BTBD9: variants seen among roughly 807,000 people sequenced by gnomAD.
BTBD9 encodes the protein BTB domain containing 9, also known as BTB/POZ domain-containing protein 9.
In BTBD9, 49 loss-of-function variants were observed where a neutral mutation model predicts 64.3. The ratio of observed to expected loss-of-function variants is 0.76; its 90% CI spans 0.61 to 0.97. The LOEUF (loss-of-function observed/expected upper bound fraction) is 0.97, where lower values mean the gene tolerates loss of function less well. BTBD9 is among the 50% of genes least tolerant of loss of function. The pLI is 0.00. For synonymous variants in BTBD9, 260 were observed against 274.7 expected (o/e 0.95, Z 0.53); for missense variants, 598 against 762.1 (o/e 0.78, Z 2.53).
chr6:38,359,611 G>C (rs1352134937), intron 6 of BTBD9, among the ~76,000 whole-genome samples: 1 of 152,132 alleles, frequency 6.6e-6, no homozygotes, highest in Non-Finnish European at 1.5e-5. Flanking sequence ...AGTTACACAG[G>C]GGCTGATAAT....
At chr6:38,477,848 A>G (rs1435454720) in intron 6 of BTBD9, among the ~76,000 whole-genome samples, 1 of 152,210 alleles carries the variant, frequency 6.6e-6, no homozygotes, top group African/African-American at 2.4e-5. Flanking sequence ...CCACGAACAC[A>G]TCAAGTAAAG....
At chr6:38,328,078 G>A (rs1394648352) in intron 7 of BTBD9, among the ~76,000 whole-genome samples, 2 of 152,286 alleles carry the variant, frequency 1.3e-5, no homozygotes, top group South Asian at 2.1e-4. Context: ...GATTTTAAAA[G>A]TAACACATAT....
chr6:38,627,047 G>A (rs552711691), intron 1 of BTBD9, among the ~76,000 whole-genome samples: 1 of 152,250 alleles, frequency 6.6e-6, no homozygotes, highest in East Asian at 1.9e-4. Flanking sequence ...CCAGTAAAGA[G>A]AGCAAAGAAA....
chr6:38,610,933 C>T (rs1403903296), intron 1 of BTBD9, among the ~76,000 whole-genome samples: 1 of 151,748 alleles, frequency 6.6e-6, no homozygotes, highest in Non-Finnish European at 1.5e-5. Flanking sequence ...GGGGACTAAA[C>T]GTCCATCAAT....
intron 6 of BTBD9, among the ~76,000 whole-genome samples, chr6:38,481,426 G>A (rs993721126): frequency 9.9e-5 from 15 of 152,274 alleles, no homozygotes; most frequent in African/African-American, 1.4e-4. Flanking sequence ...AAATGAGGCC[G>A]CACATCGTAA....
At chr6:38,348,529 G>C (rs1764378791) in intron 6 of BTBD9, among the ~76,000 whole-genome samples, 2 of 152,154 alleles carry the variant, frequency 1.3e-5, no homozygotes, top group African/African-American at 4.8e-5. Context: ...AAACAGTGCA[G>C]AGAAAGGCAG....
intron 6 of BTBD9, among the ~76,000 whole-genome samples, chr6:38,374,439 A>G (rs4711543): frequency 0.36 from 53,883 of 147,910 alleles, 12,015 homozygotes; most frequent in East Asian, 0.84. Flanking sequence ...AAAGAATCAC[A>G]TTATTTTTAA....
intron 7 of BTBD9, among the ~76,000 whole-genome samples, chr6:38,302,920 C>A (rs1185210034): frequency 6.6e-6 from 1 of 151,910 alleles, no homozygotes; most frequent in South Asian, 2.1e-4. Flanking sequence ...TTTCACATAC[C>A]CATTGGCCAT....
rs369081594 is a variant in BTBD9, at chr6:38,308,632, C to G, written c.1265-20171G>C. Among the ~76,000 whole-genome samples the G allele has an allele frequency of 8.0e-4, 121 of 152,186 alleles. 1 individual carries two copies. The South Asian group carries it at 0.024, about 30-fold the overall frequency. ...TGTTTCTGTTTTTTTGAAGCAGGGT[C>G]TCACTCTGTTGCCCAGGCGGGAGTG... On this transcript the variant is annotated intron_variant, in intron 7 of 10. Coordinates refer to ENST00000481247, the MANE Select transcript of BTBD9 (RefSeq NM_001099272.2).
chr6:38,190,835 T>C (rs1228061541), intron 10 of BTBD9, among the ~76,000 whole-genome samples: 2 of 152,226 alleles, frequency 1.3e-5, no homozygotes, highest in African/African-American at 4.8e-5. Context: ...GGTTGGGACC[T>C]AGGGCAGCCC....
intron 9 of BTBD9, among the ~76,000 whole-genome samples, chr6:38,198,143 GAAAT>G (rs1373741168): frequency 9.2e-5 from 14 of 152,336 alleles, no homozygotes; most frequent in South Asian, 8.3e-4. Flanking sequence ...AACAGTTCTT[GAAAT>G]AAATAAAAAG....
At chr6:38,602,851 G>T (rs1191053198) in intron 1 of BTBD9, among the ~76,000 whole-genome samples, 1 of 151,588 alleles carries the variant, frequency 6.6e-6, no homozygotes, top group East Asian at 1.9e-4. Flanking sequence ...CATTAAAACT[G>T]GCAAGAGAAA....
intron 6 of BTBD9, among the ~76,000 whole-genome samples, chr6:38,391,142 G>A (rs2127622650): frequency 6.6e-6 from 1 of 152,326 alleles, no homozygotes; most frequent in South Asian, 2.1e-4. Context: ...GAAGGCATCA[G>A]GCTGAGGGGA....
At chr6:38,257,063 C>CTTTTTTTTTTTTT (rs745545678) in intron 8 of BTBD9, among the ~76,000 whole-genome samples, 2 of 111,382 alleles carry the variant, frequency 1.8e-5, no homozygotes, top group African/African-American at 6.7e-5. Flanking sequence ...TTGCACACTT[C>CTTTTTTTTTTTTT]TTTTTTTTTT....
At chr6:38,309,370 CAAAT>C (rs1471586901) in intron 7 of BTBD9, among the ~76,000 whole-genome samples, 18 of 151,158 alleles carry the variant, frequency 1.2e-4, no homozygotes, top group African/African-American at 4.4e-4. Context: ...TTCCATCTCC[CAAAT>C]AAACAAACAA....
intron 7 of BTBD9, among the ~76,000 whole-genome samples, chr6:38,289,427 A>G (rs1160345210): frequency 6.6e-6 from 1 of 152,126 alleles, no homozygotes; most frequent in Non-Finnish European, 1.5e-5. Context: ...CTCTTGTTCT[A>G]TATCTTAAGC....
chr6:38,485,011 C>A lies in BTBD9; in HGVS notation c.1154+92589G>T, dbSNP rs1193756623. Among the ~76,000 whole-genome samples, 3 of 152,288 alleles carry A rather than the reference C, an allele frequency of 2.0e-5. No homozygotes were observed. In the East Asian group the frequency reaches 5.8e-4, roughly 29 times the overall value. ...TGACAGCATTTTTACCAATAGTAGA[C>A]CTTCTTTCAAAATTGAGGTCAATCC... On this transcript the variant is annotated intron_variant, in intron 6 of 10. Coordinates refer to ENST00000481247, the MANE Select transcript of BTBD9 (RefSeq NM_001099272.2).
At position 38,514,992 on chromosome 6, in the gene BTBD9, C is replaced by T. The variant is rs914849849; in HGVS notation, c.1154+62608G>A. On this transcript the variant is annotated intron_variant, in intron 6 of 10. Coordinates refer to ENST00000481247, the MANE Select transcript of BTBD9 (RefSeq NM_001099272.2). ...ACATTTATATTTTATGATTTTATTT[C>T]AATTTTTCATATAATTTTTAGTAGA... Among the ~76,000 whole-genome samples, 5 of 152,000 alleles carry T rather than the reference C, an allele frequency of 3.3e-5. No individual in the cohort carries two copies. In the East Asian group the frequency reaches 9.6e-4, roughly 29 times the overall value.
At chr6:38,506,902 T>C (rs968767243) in intron 6 of BTBD9, among the ~76,000 whole-genome samples, 8 of 152,206 alleles carry the variant, frequency 5.3e-5, no homozygotes, top group Non-Finnish European at 1.0e-4. Context: ...TCCTATCTCT[T>C]CAGCACCATC....
Sources: allele counts gnomAD v4.1 joint callset (sites outside exome capture counted in the v4.1 genomes callset), GRCh38; gene constraint gnomAD v4.1.1; transcripts MANE v1.5; gene names NCBI Gene and HGNC (gene_info 2026-07-23, HGNC 2026-07-21).